Variants in PLCB1 observed in about 807,000 individuals in gnomAD.
The protein encoded by PLCB1 is phospholipase C beta 1, also known as 1-phosphatidylinositol 4,5-bisphosphate phosphodiesterase beta-1.
PLCB1 carries 46 observed loss-of-function variants against 161.8 expected under a neutral mutation model. That is an observed-to-expected ratio of 0.28 (90% CI 0.22 to 0.36). The LOEUF (loss-of-function observed/expected upper bound fraction) is 0.36, where lower values mean the gene tolerates loss of function less well. Ranked by LOEUF, PLCB1 falls within the 10% of genes least tolerant of loss-of-function variation. PLCB1 has a pLI of 1.00. For missense variants in PLCB1, 1,016 were observed against 1,472.5 expected, an observed-to-expected ratio of 0.69 and a Z score of 5.07; for synonymous variants, 517 against 503.7, an observed-to-expected ratio of 1.03 and a Z score of -0.35.
At chr20:8,228,418 T>C (rs1164623136) in intron 2 of PLCB1, among the ~76,000 whole-genome samples, 1 of 152,146 alleles carries the variant, frequency 6.6e-6, no homozygotes, top group Admixed American at 6.6e-5. Context: ...TCTGGATTGC[T>C]GGAATGGCCT....
chr20:8,571,243 A>T (rs1188802053), intron 3 of PLCB1, among the ~76,000 whole-genome samples: 1 of 152,164 alleles, frequency 6.6e-6, no homozygotes, highest in Admixed American at 6.5e-5. Flanking sequence ...GCACTTTGGG[A>T]GGCTGGGACA....
intron 2 of PLCB1, among the ~76,000 whole-genome samples, chr20:8,291,604 T>G (rs1983386196): frequency 6.6e-6 from 1 of 152,210 alleles, no homozygotes; most frequent in African/African-American, 2.4e-5. Context: ...GAAATGTACA[T>G]TCAACTTCTT....
At chr20:8,616,253 A>C (rs1488881490) in intron 3 of PLCB1, among the ~76,000 whole-genome samples, 1 of 152,048 alleles carries the variant, frequency 6.6e-6, no homozygotes, top group East Asian at 1.9e-4. Flanking sequence ...CTCCTTACCT[A>C]TACAGCTTCA....
At chr20:8,698,706 G>A (rs1990634997) in intron 11 of PLCB1, among the ~76,000 whole-genome samples, 1 of 152,118 alleles carries the variant, frequency 6.6e-6, no homozygotes, top group Non-Finnish European at 1.5e-5. Flanking sequence ...TAGGTGATTT[G>A]GGGGACGGTT....
intron 2 of PLCB1, among the ~76,000 whole-genome samples, chr20:8,150,874 C>T (rs1292195857): frequency 1.3e-5 from 2 of 152,154 alleles, no homozygotes; most frequent in African/African-American, 4.8e-5. Context: ...TTCCTTTAGC[C>T]TATTCCTTCA....
At chr20:8,597,003 C>T (rs1422213891) in intron 3 of PLCB1, among the ~76,000 whole-genome samples, 1 of 149,886 alleles carries the variant, frequency 6.7e-6, no homozygotes, top group African/African-American at 2.4e-5. Flanking sequence ...AGATTTTGGG[C>T]TGAGACAATG....
chr20:8,148,342 G>A (rs941531458), intron 1 of PLCB1, among the ~76,000 whole-genome samples: 18 of 53,956 alleles, frequency 3.3e-4, no homozygotes, highest in South Asian at 1.1e-3. Flanking sequence ...TTATAATATC[G>A]TTTATTTCCA....
chr20:8,523,490 CTCTCTCTAT>C (rs1984447831), intron 3 of PLCB1, among the ~76,000 whole-genome samples: 1 of 67,720 alleles, frequency 1.5e-5, no homozygotes, highest in East Asian at 2.9e-4. Flanking sequence ...CTCTCTCTCT[CTCTCTCTAT>C]ATATATATAT....
At chr20:8,595,197 C>A (rs1987293424) in intron 3 of PLCB1, among the ~76,000 whole-genome samples, 1 of 149,380 alleles carries the variant, frequency 6.7e-6, no homozygotes. Context: ...TACGCTGCAC[C>A]CACTAACTTG....
rs187157821 is a variant in PLCB1 at position 8,176,140 on chromosome 20, G to A, written c.177+25769G>A. On this transcript the variant is annotated intron_variant, in intron 2 of 31. Transcript: ENST00000338037. ...TGATATAACTATTGTATTATGAAGC[G>A]TTGATCCCAGAAACATGTTTTAAAA... 1.1e-4 allele frequency among the ~76,000 whole-genome samples: 16 copies of A among 152,200 alleles called. No individual in the cohort carries two copies. The East Asian group carries it at 1.2e-3, about 11-fold the overall frequency.
intron 3 of PLCB1, among the ~76,000 whole-genome samples, chr20:8,396,197 G>A (rs1458349154): frequency 6.6e-6 from 1 of 152,070 alleles, no homozygotes; most frequent in African/African-American, 2.4e-5. Context: ...AACTACAGAA[G>A]TGGGGAGCTG....
intron 3 of PLCB1, among the ~76,000 whole-genome samples, chr20:8,505,318 C>G (rs958466999): frequency 2.0e-5 from 3 of 152,144 alleles, no homozygotes; most frequent in Admixed American, 6.5e-5. Flanking sequence ...GGCGAGCACT[C>G]TTGAGACCCA....
intron 2 of PLCB1, among the ~76,000 whole-genome samples, chr20:8,278,972 GT>G (rs11476345): frequency 0.37 from 54,186 of 145,504 alleles, 10,410 homozygotes; most frequent in African/African-American, 0.55. Context: ...ACTATACAGT[GT>G]TTTTTAAAAA....
chr20:8,881,287 G>A (rs965922775), intron 31 of PLCB1, among the ~76,000 whole-genome samples: 1 of 151,712 alleles, frequency 6.6e-6, no homozygotes, highest in African/African-American at 2.4e-5. Flanking sequence ...TTACACGTGT[G>A]AGCCACCACG....
At chr20:8,849,325 CTG>C (rs2146299622) in intron 31 of PLCB1, among the ~76,000 whole-genome samples, 1 of 152,230 alleles carries the variant, frequency 6.6e-6, no homozygotes, top group African/African-American at 2.4e-5. Context: ...TGTAAGGAAA[CTG>C]AGATGCAGAC....
chr20:8,169,540 G>A (rs1467884160), intron 2 of PLCB1, among the ~76,000 whole-genome samples: 1 of 152,098 alleles, frequency 6.6e-6, no homozygotes, highest in South Asian at 2.1e-4. Flanking sequence ...ATCTGAACTA[G>A]GACAGGTATT....
intron 31 of PLCB1, among the ~76,000 whole-genome samples, chr20:8,829,485 A>G (rs1831362203): frequency 6.6e-6 from 1 of 152,202 alleles, no homozygotes; most frequent in Non-Finnish European, 1.5e-5. Flanking sequence ...CTTTACACAC[A>G]TGCTTTAGTT....
intron 2 of PLCB1, among the ~76,000 whole-genome samples, chr20:8,354,490 C>T (rs1986295656): frequency 6.6e-6 from 1 of 152,112 alleles, no homozygotes; most frequent in Non-Finnish European, 1.5e-5. Flanking sequence ...TTTCTCTTTA[C>T]TTCGTAATTT....
intron 1 of PLCB1, among the ~76,000 whole-genome samples, chr20:8,138,592 C>G (rs996582466): frequency 1.3e-5 from 2 of 152,140 alleles, no homozygotes; most frequent in Non-Finnish European, 2.9e-5. Flanking sequence ...CCTTTCTGTT[C>G]TATGTCTGAT....
Sources: gnomAD v4.1 joint callset for allele counts (sites outside exome capture counted in the v4.1 genomes callset) on GRCh38, gnomAD v4.1.1 for gene constraint, MANE v1.5 for transcripts, NCBI Gene and HGNC (gene_info 2026-07-23, HGNC 2026-07-21) for gene names.